The following SLC12A1 variants were observed in gnomAD, a reference collection of about 807,000 sequenced individuals.
SLC12A1 encodes solute carrier family 12 member 1, also known as Na-K-2Cl cotransporter.
In SLC12A1, 89 loss-of-function variants were observed where a neutral mutation model predicts 130.4. The observed-to-expected ratio is 0.68, with a 90% CI of 0.58 to 0.81. The LOEUF is 0.81. Ranked by LOEUF, SLC12A1 falls within the 40% of genes least tolerant of loss-of-function variation. SLC12A1 has a pLI of 0.00. For missense variants in SLC12A1, 1,310 were observed against 1,336.4 expected (o/e 0.98, Z 0.31); for synonymous variants, 499 against 460.0 (o/e 1.08, Z -1.09).
At position 48,251,641 on chromosome 15, in the gene SLC12A1, A is replaced by C; in HGVS notation, c.1813A>C (p.Asn605His). 6.2e-7 allele frequency: 1 copy of C among 1,613,866 alleles called. No homozygotes were observed. Among genetic ancestry groups the C allele is most frequent in the Non-Finnish European group, 8.5e-7 (1 of 1,179,798 alleles). Residue 605 changes from asparagine (N) to histidine (H), a missense_variant, in exon 15 of 27, where the codon AAC becomes CAC. Transcript: ENST00000380993. ...PGWRPAYGIY[N>H]MWVSLFGAVL... ...ATGGAGACCTGCGTATGGAATTTACAACATGTGGGTATCTCTTTTTGGAGC... is the reference window on the plus strand; with the variant it reads ...ATGGAGACCTGCGTATGGAATTTACCACATGTGGGTATCTCTTTTTGGAGC...
intron 26 of SLC12A1, among the ~76,000 whole-genome samples, chr15:48,302,057 G>T (rs2042238606): frequency 6.6e-6 from 1 of 152,152 alleles, no homozygotes; most frequent in Admixed American, 6.5e-5. Flanking sequence ...GCTGGATTGG[G>T]TGGTAGGGTT....
chr15:48,291,257 T>G (rs553254710), intron 23 of SLC12A1, among the ~76,000 whole-genome samples: 4 of 150,386 alleles, frequency 2.7e-5, no homozygotes, highest in African/African-American at 9.7e-5. Flanking sequence ...CATATATATA[T>G]ATATATGTGA....
At chr15:48,209,487 A>G (rs2041026402) in intron 2 of SLC12A1, among the ~76,000 whole-genome samples, 1 of 152,212 alleles carries the variant, frequency 6.6e-6, no homozygotes, top group Non-Finnish European at 1.5e-5. Flanking sequence ...ATAAAACACA[A>G]TTACCTGCTA....
intron 9 of SLC12A1, among the ~76,000 whole-genome samples, chr15:48,239,515 AAAATAAAT>A (rs10530478): frequency 5.4e-4 from 78 of 143,716 alleles, no homozygotes; most frequent in Admixed American, 1.2e-3. Flanking sequence ...AACCCATCTC[AAAATAAAT>A]AAATAAATAA....
intron 21 of SLC12A1, 60 bp downstream of exon 21, chr15:48,285,309 A>G: frequency 7.8e-6 from 12 of 1,535,290 alleles, no homozygotes; most frequent in South Asian, 2.3e-5. Context: ...TTGAGCATCT[A>G]TGAAGAGTCC....
At chr15:48,278,976 T>C (rs2041983975) in intron 20 of SLC12A1, among the ~76,000 whole-genome samples, 1 of 152,216 alleles carries the variant, frequency 6.6e-6, no homozygotes, top group African/African-American at 2.4e-5. Context: ...CCTATTTAAA[T>C]AAACTTTGAT....
chr15:48,269,159 G>A (rs536054960), intron 18 of SLC12A1, among the ~76,000 whole-genome samples: 2 of 152,250 alleles, frequency 1.3e-5, no homozygotes, highest in East Asian at 1.9e-4. Flanking sequence ...TAATGATACT[G>A]TCACATAAAA....
chr15:48,302,868 T>G lies in SLC12A1; in HGVS notation c.3283T>G (p.Leu1095Val), dbSNP rs778408731. 6.2e-7 allele frequency: 1 copy of G among 1,609,788 alleles called. No individual in the cohort carries two copies. The highest frequency in any genetic ancestry group is 1.7e-5 in the Admixed American group (1 of 59,906). Residue 1095 changes from leucine (L) to valine (V), a missense_variant, in exon 27 of 27, where the codon TTG becomes GTG. Physicochemically the swap from Leu to Val is conservative, Grantham distance 32. Coordinates refer to ENST00000380993, the MANE Select transcript of SLC12A1 (RefSeq NM_000338.3). ...LLVRGNHKNV[L>V]TFYS is the part of the protein sequence containing the mutation. ...AGTTAGAGGAAATCACAAAAATGTCTTGACATTTTACTCTTAAAACATGAA... is the reference window on the plus strand; with the variant it reads ...AGTTAGAGGAAATCACAAAAATGTCGTGACATTTTACTCTTAAAACATGAA...
intron 20 of SLC12A1, among the ~76,000 whole-genome samples, chr15:48,276,355 T>A (rs918422802): frequency 2.0e-5 from 3 of 152,134 alleles, no homozygotes; most frequent in Admixed American, 2.0e-4. Context: ...CCCCACCAAA[T>A]TCATATGTTG....
At chr15:48,240,777 T>C (rs1456576502) in intron 9 of SLC12A1, among the ~76,000 whole-genome samples, 1 of 152,178 alleles carries the variant, frequency 6.6e-6, no homozygotes, top group East Asian at 1.9e-4. Context: ...TTAAGTTGAA[T>C]TGAATACAAT....
chr15:48,255,965 CT>C, intron 16 of SLC12A1, 55 bp downstream of exon 16: 1 of 1,075,628 alleles, frequency 9.3e-7, no homozygotes, highest in Non-Finnish European at 1.4e-6. Context: ...AGTGGCTCTC[CT>C]TTATAAGAGA....
intron 19 of SLC12A1, among the ~76,000 whole-genome samples, chr15:48,274,271 T>G: frequency 6.6e-6 from 1 of 152,200 alleles, no homozygotes; most frequent in East Asian, 1.9e-4. Context: ...GCTCACTGTA[T>G]AAAAGATTCG....
At position 48,208,113 on chromosome 15, in the gene SLC12A1, C is replaced by T. The variant is rs752324675; in HGVS notation, c.394C>T (p.Leu132Phe). The change falls in exon 2 of 27, where the codon CTT (leucine) becomes TTT (phenylalanine). Residue 132 changes from leucine (L) to phenylalanine (F), a missense_variant. Transcript: ENST00000380993. Reference sequence around the variant, plus strand: ...GCCCAAGGTCAACCGACCCAGCCTGCTTGAGATTCACGAGCAACTCGCAAA... The same window carrying T: ...GCCCAAGGTCAACCGACCCAGCCTGTTTGAGATTCACGAGCAACTCGCAAA... ...SGPKVNRPSL[L>F]EIHEQLAKNV... The T allele has an allele frequency of 3.1e-5, 50 of 1,593,726 alleles. No individual in the cohort carries two copies. The Admixed American group carries it at 5.4e-4, about 17-fold the overall frequency.
At chr15:48,261,611 G>A (rs981542255) in intron 17 of SLC12A1, among the ~76,000 whole-genome samples, 2 of 152,180 alleles carry the variant, frequency 1.3e-5, no homozygotes, top group East Asian at 1.9e-4. Flanking sequence ...AGGCTCAGTC[G>A]TCAATCATCT....
intron 2 of SLC12A1, among the ~76,000 whole-genome samples, chr15:48,219,641 AAAGT>A (rs879427677): frequency 1.3e-5 from 2 of 152,144 alleles, no homozygotes; most frequent in Non-Finnish European, 2.9e-5. Flanking sequence ...AAAGAAAGAA[AAAGT>A]AAGGAAGAAA....
intron 21 of SLC12A1, among the ~76,000 whole-genome samples, chr15:48,287,166 G>A (rs2042067550): frequency 6.6e-6 from 1 of 152,140 alleles, no homozygotes; most frequent in Non-Finnish European, 1.5e-5. Flanking sequence ...TATGAGAAAT[G>A]CTACGTACGC....
At chr15:48,238,407 G>A (rs923092668) in intron 9 of SLC12A1, among the ~76,000 whole-genome samples, 1 of 152,152 alleles carries the variant, frequency 6.6e-6, no homozygotes, top group Non-Finnish European at 1.5e-5. Flanking sequence ...AGACAGAAGA[G>A]GTTTGAGGCA....
intron 24 of SLC12A1, among the ~76,000 whole-genome samples, chr15:48,292,898 C>T (rs1416201363): frequency 6.6e-6 from 1 of 152,120 alleles, no homozygotes. Context: ...CAGCTTATAA[C>T]AATGATATTT....
At chr15:48,245,283 T>C (rs1597423076) in intron 11 of SLC12A1, among the ~76,000 whole-genome samples, 1 of 152,242 alleles carries the variant, frequency 6.6e-6, no homozygotes, top group East Asian at 1.9e-4. Flanking sequence ...GTATCCTCTA[T>C]GTGCAGGTTT....
Sources: gnomAD v4.1 joint callset for allele counts (sites outside exome capture counted in the v4.1 genomes callset) on GRCh38, gnomAD v4.1.1 for gene constraint, MANE v1.5 for transcripts, NCBI Gene and HGNC (gene_info 2026-07-23, HGNC 2026-07-21) for gene names.